The following CYP4Z1 variants were observed in gnomAD, a reference collection of about 807,000 sequenced individuals.
CYP4Z1 encodes cytochrome P450 4Z1.
A neutral mutation model predicts 54.2 loss-of-function variants in CYP4Z1; 41 were observed. The ratio of observed to expected loss-of-function variants is 0.76; its 90% confidence interval spans 0.59 to 0.98. The LOEUF (loss-of-function observed/expected upper bound fraction) is 0.98. Among genes scored for constraint, CYP4Z1 ranks in the 50% least tolerant of loss-of-function variants. CYP4Z1 has a pLI of 0.00. For synonymous variants in CYP4Z1, 163 were observed against 206.2 expected (o/e 0.79, Z 1.79); for missense variants, 513 against 599.0 (o/e 0.86, Z 1.50).
Position 47,094,633 on chromosome 1 carries a change from G to C in CYP4Z1, c.840G>C (p.Arg280Ser), listed in dbSNP as rs768753257. ...DKLKQDTTQK[R>S]RWDFLDILLS... The stretch of plus-strand genomic sequence containing the variant: ...TAAAACAAGATACTACTCAGAAAAG[G>C]CGCTGGGATTTTCTGGACATACTTT... Residue 280 changes from arginine (R) to serine (S), a missense_variant, in exon 7 of 12, where the codon AGG becomes AGC. Transcript: ENST00000334194. The C allele has an allele frequency of 6.2e-7, 1 of 1,611,352 alleles. No individual in the cohort carries two copies. Among genetic ancestry groups the C allele is most frequent in the Non-Finnish European group, 8.5e-7 (1 of 1,178,960 alleles).
the CYP4Z1 span, among the ~76,000 whole-genome samples, chr1:47,059,208 A>T: frequency 6.6e-6 from 1 of 152,194 alleles, no homozygotes; most frequent in African/African-American, 2.4e-5. Flanking sequence ...TACTTACATA[A>T]TATTTTTATA....
the CYP4Z1 span, among the ~76,000 whole-genome samples, chr1:47,062,006 T>C: frequency 1.3e-5 from 2 of 152,194 alleles, no homozygotes; most frequent in African/African-American, 4.8e-5. Context: ...AAACTCTAAA[T>C]AAACTATGTA....
Position 47,089,636 on chromosome 1 carries a change from T to G in CYP4Z1, c.772+4658T>G, listed in dbSNP as rs146517971. 4.0e-4 allele frequency among the ~76,000 whole-genome samples: 61 copies of G among 152,338 alleles called. No homozygotes were observed. In the East Asian group the frequency reaches 0.011, roughly 27 times the overall value. ...ACAGTGATACTCTTAATACTCATAT[T>G]CTAACCCTATATTTTAAACCTTCTT... On this transcript the variant is annotated intron_variant, in intron 6 of 11. Coordinates refer to ENST00000334194, the MANE Select transcript of CYP4Z1 (RefSeq NM_178134.3).
intron 9 of CYP4Z1, among the ~76,000 whole-genome samples, chr1:47,110,196 G>A (rs1644783714): frequency 1.4e-5 from 2 of 145,810 alleles, no homozygotes; most frequent in South Asian, 2.4e-4. Flanking sequence ...TGATGGTCCA[G>A]TAAGCCTCAG....
At chr1:47,117,053 G>A (rs11211457) in intron 11 of CYP4Z1, among the ~76,000 whole-genome samples, 65,060 of 152,016 alleles carry the variant, frequency 0.43, 15,266 homozygotes, top group East Asian at 0.97. Flanking sequence ...TAGGAACAAG[G>A]CAACATTGGC....
intron 8 of CYP4Z1, among the ~76,000 whole-genome samples, chr1:47,104,182 G>A (rs1182237328): frequency 6.6e-6 from 1 of 152,208 alleles, no homozygotes; most frequent in African/African-American, 2.4e-5. Flanking sequence ...CTGGGCATGT[G>A]CAGTAGTGTA....
At chr1:47,056,496 A>G in the CYP4Z1 span, among the ~76,000 whole-genome samples, 1 of 152,148 alleles carries the variant, frequency 6.6e-6, no homozygotes, top group African/African-American at 2.4e-5. Context: ...TGTCTCATTG[A>G]TCTGTCTAAT....
intron 6 of CYP4Z1, among the ~76,000 whole-genome samples, chr1:47,092,632 A>G (rs1322139144): frequency 6.6e-6 from 1 of 152,056 alleles, no homozygotes; most frequent in African/African-American, 2.4e-5. Context: ...CTCTCTCCCA[A>G]TTGGGAATGG....
intron 8 of CYP4Z1, among the ~76,000 whole-genome samples, chr1:47,105,549 T>C (rs551715171): frequency 2.0e-5 from 3 of 152,344 alleles, no homozygotes; most frequent in East Asian, 1.9e-4. Flanking sequence ...AGACTCCCAG[T>C]TGATCCCCGC....
intron 8 of CYP4Z1, 84 bp downstream of exon 8, chr1:47,099,368 T>G: frequency 6.1e-6 from 8 of 1,308,442 alleles, no homozygotes; most frequent in Non-Finnish European, 8.3e-6. Context: ...TAAGTTATTG[T>G]GCATTGAGAT....
At chr1:47,080,201 A>C (rs1185815025) in intron 2 of CYP4Z1, among the ~76,000 whole-genome samples, 1 of 124,914 alleles carries the variant, frequency 8.0e-6, no homozygotes, top group African/African-American at 3.2e-5. Flanking sequence ...AAATCCAACA[A>C]GGGTAAAATC....
the CYP4Z1 span, among the ~76,000 whole-genome samples, chr1:47,061,117 A>G: frequency 6.6e-6 from 1 of 152,196 alleles, no homozygotes; most frequent in Non-Finnish European, 1.5e-5. Flanking sequence ...CAAATTACCA[A>G]TCTAATACCA....
At chr1:47,103,918 T>A (rs1644738734) in intron 8 of CYP4Z1, among the ~76,000 whole-genome samples, 1 of 152,062 alleles carries the variant, frequency 6.6e-6, no homozygotes, top group Non-Finnish European at 1.5e-5. Context: ...TTCTTTAGTG[T>A]CAATATTTTG....
At chr1:47,067,729 C>A in intron 1 of CYP4Z1, 62 bp downstream of exon 1, 2 of 1,431,776 alleles carry the variant, frequency 1.4e-6, no homozygotes, top group Non-Finnish European at 1.9e-6. Flanking sequence ...TAAAAAAAAA[C>A]AGCACAGACT....
chr1:47,114,401 TA>T (rs1644814849), intron 9 of CYP4Z1, among the ~76,000 whole-genome samples: 1 of 152,106 alleles, frequency 6.6e-6, no homozygotes, highest in African/African-American at 2.4e-5. Context: ...ACTTCATGTC[TA>T]AAACACCAAA....
intron 7 of CYP4Z1, among the ~76,000 whole-genome samples, chr1:47,096,244 C>G (rs1644675845): frequency 3.9e-5 from 6 of 152,044 alleles, no homozygotes; most frequent in Admixed American, 6.5e-5. Flanking sequence ...ATAGCAAGAC[C>G]CCAACTCTAT....
chr1:47,058,920 T>G, the CYP4Z1 span, among the ~76,000 whole-genome samples: 1 of 152,194 alleles, frequency 6.6e-6, no homozygotes, highest in African/African-American at 2.4e-5. Context: ...TCATGACAAG[T>G]AGATTCACTG....
intron 6 of CYP4Z1, among the ~76,000 whole-genome samples, chr1:47,086,829 C>A (rs994013854): frequency 3.3e-5 from 5 of 152,108 alleles, no homozygotes; most frequent in African/African-American, 1.2e-4. Context: ...GGTTTTATGT[C>A]TAACATTTAA....
At chr1:47,090,025 A>G (rs766811783) in intron 6 of CYP4Z1, among the ~76,000 whole-genome samples, 3 of 152,250 alleles carry the variant, frequency 2.0e-5, no homozygotes, top group Non-Finnish European at 4.4e-5. Flanking sequence ...CTCTTACAAC[A>G]TACTTAAAAT....
Sources: gnomAD v4.1 joint callset for allele counts (sites outside exome capture counted in the v4.1 genomes callset) on GRCh38, gnomAD v4.1.1 for gene constraint, MANE v1.5 for transcripts, NCBI Gene and HGNC (gene_info 2026-07-23, HGNC 2026-07-21) for gene names.